TEK: variants seen among roughly 807,000 people sequenced by gnomAD.
TEK encodes TEK receptor tyrosine kinase.
TEK carries 43 observed loss-of-function variants against 131.8 expected under a neutral mutation model. The observed-to-expected ratio is 0.33, with a 90% CI of 0.26 to 0.42. The LOEUF is 0.42. TEK is among the 10% of genes least tolerant of loss of function. TEK has a pLI of 1.00. For synonymous variants in TEK, 580 were observed against 491.6 expected (o/e 1.18, Z -2.38); for missense variants, 1,162 against 1,384.4 (o/e 0.84, Z 2.55).
At position 27,229,184 on chromosome 9, in the gene TEK, G is replaced by A. The variant is rs756265363; in HGVS notation, c.3327G>A (p.Glu1109=). The change falls in exon 23 of 23, where the codon GAG becomes GAA. Residue 1109 remains glutamate, a synonymous_variant. Coordinates refer to ENST00000380036, the MANE Select transcript of TEK (RefSeq NM_000459.5). ...CCTACGTGAATACCACGCTTTATGA[G>A]AAGTTTACTTATGCAGGAATTGACT... ...RKTYVNTTLY[E]KFTYAGIDCS... is the part of the protein sequence containing the mutation. 3 of 1,613,872 alleles carry A rather than the reference G, an allele frequency of 1.9e-6. No individual in the cohort carries two copies. The highest frequency in any genetic ancestry group is 2.5e-6 in the Non-Finnish European group (3 of 1,179,772).
intron 1 of TEK, among the ~76,000 whole-genome samples, chr9:27,142,374 A>G (rs1488075089): frequency 6.6e-6 from 1 of 152,232 alleles, no homozygotes; most frequent in Non-Finnish European, 1.5e-5. Context: ...AGGCACTTTC[A>G]TAACATGCAT....
At chr9:27,124,361 G>A (rs1821909209) in intron 1 of TEK, among the ~76,000 whole-genome samples, 1 of 152,222 alleles carries the variant, frequency 6.6e-6, no homozygotes, top group Non-Finnish European at 1.5e-5. Context: ...GTAGGTATGT[G>A]GGTTTCCTGG....
intron 11 of TEK, 117 bp from the exon 12 acceptor site, chr9:27,197,198 C>A: frequency 8.9e-7 from 1 of 1,124,228 alleles, no homozygotes; most frequent in East Asian, 2.5e-5. Context: ...AATCACCTCC[C>A]ACCAGGCCCC....
At chr9:27,181,999 A>AT (rs1343273823) in intron 7 of TEK, among the ~76,000 whole-genome samples, 1 of 151,974 alleles carries the variant, frequency 6.6e-6, no homozygotes, top group Non-Finnish European at 1.5e-5. Context: ...TAAACTTTAT[A>AT]TTTTTTCTTC....
chr9:27,218,680 T>C lies in TEK; in HGVS notation c.3063-97T>C, dbSNP rs903127769. On this transcript the variant is annotated intron_variant, in intron 19 of 22. Transcript: ENST00000380036. ...AGGATGTAGACATTTAACATCTCCT[T>C]TTCTCAGAAAGGGTGGGTCTCCCTG... 3 of 1,285,132 alleles carry C rather than the reference T, an allele frequency of 2.3e-6. No individual in the cohort carries two copies. In the Admixed American group the frequency reaches 5.1e-5, roughly 22 times the overall value. 79.6% of individuals were successfully genotyped at this position (1,285,132 alleles called of 1,614,324 possible). A position where few individuals can be genotyped will look rare whatever the true frequency, so the allele number is the denominator to read the frequency against.
chr9:27,168,804 T>A (rs967759287), intron 3 of TEK, among the ~76,000 whole-genome samples, 199 bp downstream of exon 3: 1 of 152,184 alleles, frequency 6.6e-6, no homozygotes, highest in African/African-American at 2.4e-5. Flanking sequence ...TAAAGTGGAA[T>A]TCATATATAT....
intron 7 of TEK, among the ~76,000 whole-genome samples, chr9:27,182,566 T>C (rs568934160): frequency 6.6e-6 from 1 of 152,292 alleles, no homozygotes; most frequent in Non-Finnish European, 1.5e-5. Flanking sequence ...ACCCCGCCTC[T>C]TCCCACCACC....
At chr9:27,141,887 T>C (rs1379381428) in intron 1 of TEK, among the ~76,000 whole-genome samples, 1 of 152,240 alleles carries the variant, frequency 6.6e-6, no homozygotes, top group Non-Finnish European at 1.5e-5. Flanking sequence ...TTTTTAGTTA[T>C]AACAGTCTGC....
chr9:27,117,996 G>A (rs1346089055), intron 1 of TEK, among the ~76,000 whole-genome samples: 2 of 152,112 alleles, frequency 1.3e-5, no homozygotes, highest in African/African-American at 2.4e-5. Flanking sequence ...ACTGCTCTGC[G>A]GCCGTCAGAT....
chr9:27,226,338 C>G (rs1826326570), intron 21 of TEK, among the ~76,000 whole-genome samples: 1 of 152,192 alleles, frequency 6.6e-6, no homozygotes, highest in African/African-American at 2.4e-5. Context: ...ACCCAAATGC[C>G]CATCAATGAT....
In TEK at chr9:27,109,355, G is replaced by A. The variant is rs565071525; in HGVS notation, c.-236G>A. On this transcript the variant is annotated 5_prime_UTR_variant, in exon 1 of 23. Transcript: ENST00000380036. The stretch of plus-strand genomic sequence containing the variant: ...TGATACCAAATGCCTTTAAGATACA[G>A]CCTTTCCCATCCTAATCTACAAAGG... The A allele has an allele frequency of 3.1e-5, 19 of 613,920 alleles. No individual in the cohort carries two copies. Among genetic ancestry groups the A allele is most frequent in the Admixed American group, 2.6e-4 (9 of 34,124 alleles). The allele number at this position is 613,920 out of a possible 1,614,324, so 38.0% of individuals were successfully genotyped here. A position where few individuals can be genotyped will look rare whatever the true frequency, so the allele number is the denominator to read the frequency against.
At position 27,204,953 on chromosome 9, in the gene TEK, T is replaced by C; in HGVS notation, c.2252T>C (p.Ile751Thr). The C allele has an allele frequency of 6.2e-7, 1 of 1,614,090 alleles. No homozygotes were observed. The highest frequency in any genetic ancestry group is 8.5e-7 in the Non-Finnish European group (1 of 1,179,936). ...LGGGKMLLIA[I>T]LGSAGMTCLT... ...GGGGGGAAGATGCTGCTTATAGCCA[T>C]CCTTGGCTCTGCTGGAATGACCTGC... Residue 751 changes from isoleucine (I) to threonine (T), a missense_variant, in exon 14 of 23, where the codon ATC becomes ACC. Transcript: ENST00000380036.
At chr9:27,176,377 T>C (rs1374539896) in intron 6 of TEK, among the ~76,000 whole-genome samples, 5 of 152,242 alleles carry the variant, frequency 3.3e-5, no homozygotes, top group African/African-American at 1.2e-4. Context: ...AAAGTTCTAG[T>C]GTATTCTAGA....
At chr9:27,127,785 G>C (rs536186564) in intron 1 of TEK, among the ~76,000 whole-genome samples, 19 of 152,338 alleles carry the variant, frequency 1.2e-4, no homozygotes, top group African/African-American at 4.1e-4. Flanking sequence ...CTTTTGAGAA[G>C]TGTCTGTTTA....
chr9:27,206,025 A>G (rs530001932), intron 14 of TEK, among the ~76,000 whole-genome samples: 38 of 152,312 alleles, frequency 2.5e-4, no homozygotes, highest in African/African-American at 8.9e-4. Context: ...AGCTATTTGA[A>G]TTCAGGAGAA....
intron 21 of TEK, 64 bp from the exon 22 acceptor site, chr9:27,228,142 T>A: frequency 8.7e-6 from 12 of 1,383,482 alleles, no homozygotes; most frequent in Middle Eastern, 1.8e-4. Context: ...TCCTCTCTTT[T>A]CCTGCCGTGC....
In TEK at chr9:27,213,719, G is replaced by A. The variant is rs1368575340; in HGVS notation, c.2991+122G>A. 1.1e-5 allele frequency: 8 copies of A among 748,630 alleles called. No homozygotes were observed. Among genetic ancestry groups the A allele is most frequent in the Non-Finnish European group, 1.7e-5 (7 of 415,538 alleles). The allele number at this position is 748,630 out of a possible 1,614,324, so 46.4% of individuals were successfully genotyped here. A position where few individuals can be genotyped will look rare whatever the true frequency, so the allele number is the denominator to read the frequency against. ...AAGCATCTGACTGTATGTCCCAGTAGATACTGTGTGCCCTGGGAAACATTC... is the reference window on the plus strand; with the variant it reads ...AAGCATCTGACTGTATGTCCCAGTAAATACTGTGTGCCCTGGGAAACATTC... On this transcript the variant is annotated intron_variant, in intron 18 of 22. Transcript: ENST00000380036.
intron 18 of TEK, among the ~76,000 whole-genome samples, chr9:27,217,325 A>C (rs930586992): frequency 5.9e-5 from 9 of 151,576 alleles, no homozygotes; most frequent in Admixed American, 5.9e-4. Context: ...TCCCTTTTCC[A>C]CCCTGCTTCC....
At position 27,205,125 on chromosome 9, in the gene TEK, A is replaced by T. The variant is rs1825357970; in HGVS notation, c.2364+60A>T. Reference sequence around the variant, plus strand: ...AAGTCCAAGTACAGGCAGAACCTTCACTTTAAAGATATGGACCAGGAAATT... The same window carrying T: ...AAGTCCAAGTACAGGCAGAACCTTCTCTTTAAAGATATGGACCAGGAAATT... On this transcript the variant is annotated intron_variant, in intron 14 of 22. Coordinates refer to ENST00000380036, the MANE Select transcript of TEK (RefSeq NM_000459.5). The T allele has an allele frequency of 7.5e-6, 12 of 1,602,382 alleles. 1 individual carries two copies. The African/African-American group carries it at 1.1e-4, about 14-fold the overall frequency.
Sources: gnomAD v4.1 joint callset for allele counts (sites outside exome capture counted in the v4.1 genomes callset) on GRCh38, gnomAD v4.1.1 for gene constraint, MANE v1.5 for transcripts, NCBI Gene and HGNC (gene_info 2026-07-23, HGNC 2026-07-21) for gene names.